ADAMTSL3: variants seen among roughly 807,000 people sequenced by gnomAD.
ADAMTSL3 encodes ADAMTS-like protein 3.
In ADAMTSL3, 128 loss-of-function variants were observed where a neutral mutation model predicts 201.7. The observed-to-expected ratio is 0.63, with a 90% CI of 0.55 to 0.73. The LOEUF (loss-of-function observed/expected upper bound fraction) is 0.73, where lower values mean the gene tolerates loss of function less well. ADAMTSL3 is among the 30% of genes least tolerant of loss of function. The pLI is 0.00. For synonymous variants in ADAMTSL3, 738 were observed against 748.4 expected, an observed-to-expected ratio of 0.99 and a Z score of 0.23; for missense variants, 1,990 against 2,119.6, an observed-to-expected ratio of 0.94 and a Z score of 1.20.
chr15:84,023,897 T>C (rs750676196), intron 26 of ADAMTSL3, among the ~76,000 whole-genome samples: 3 of 152,212 alleles, frequency 2.0e-5, no homozygotes, highest in Non-Finnish European at 4.4e-5. Flanking sequence ...ATATGTAAAA[T>C]AAAATACATT....
At chr15:83,830,641 C>G (rs976328622) in intron 6 of ADAMTSL3, among the ~76,000 whole-genome samples, 6 of 152,182 alleles carry the variant, frequency 3.9e-5, no homozygotes, top group African/African-American at 1.4e-4. Context: ...GCAGCTGTGA[C>G]AAATTACCAC....
intron 19 of ADAMTSL3, among the ~76,000 whole-genome samples, chr15:83,962,983 GC>G (rs1419269313): frequency 6.6e-6 from 1 of 152,180 alleles, no homozygotes; most frequent in Non-Finnish European, 1.5e-5. Flanking sequence ...GTGCAATCTA[GC>G]CCAGGTACTA....
intron 4 of ADAMTSL3, among the ~76,000 whole-genome samples, chr15:83,782,916 A>G (rs1023399228): frequency 3.4e-5 from 5 of 147,276 alleles, no homozygotes; most frequent in African/African-American, 7.4e-5. Context: ...GATAGCGTAT[A>G]TATATATATA....
intron 6 of ADAMTSL3, among the ~76,000 whole-genome samples, chr15:83,826,807 A>G (rs2064034593): frequency 6.6e-6 from 1 of 151,948 alleles, no homozygotes; most frequent in Non-Finnish European, 1.5e-5. Context: ...GATGGTTTCC[A>G]GCTTCATCCA....
At chr15:83,971,578 G>GAAAAAAAAA (rs1484317891) in intron 20 of ADAMTSL3, among the ~76,000 whole-genome samples, 1 of 102,144 alleles carries the variant, frequency 9.8e-6, no homozygotes, top group African/African-American at 3.1e-5. Flanking sequence ...AAAAAAAAAA[G>GAAAAAAAAA]AAAGAAAGAA....
intron 29 of ADAMTSL3, among the ~76,000 whole-genome samples, chr15:84,037,483 G>T (rs2068532826): frequency 6.6e-6 from 1 of 152,214 alleles, no homozygotes; most frequent in South Asian, 2.1e-4. Context: ...GGGCCAGAGG[G>T]ACTGGGAGGG....
At chr15:83,939,913 C>T (rs2066525580) in intron 17 of ADAMTSL3, among the ~76,000 whole-genome samples, 4 of 152,140 alleles carry the variant, frequency 2.6e-5, no homozygotes, top group Admixed American at 1.3e-4. Flanking sequence ...TGAGCCACCG[C>T]ACCCCGCCAG....
intron 9 of ADAMTSL3, among the ~76,000 whole-genome samples, chr15:83,880,193 A>G (rs1238028364): frequency 6.6e-6 from 1 of 151,978 alleles, no homozygotes; most frequent in Non-Finnish European, 1.5e-5. Flanking sequence ...ACAGATTCTC[A>G]TTTATTATCT....
rs1364147307 is a variant in ADAMTSL3 at position 83,763,409 on chromosome 15, A to G, written c.190-10114A>G. Among the ~76,000 whole-genome samples the G allele has an allele frequency of 2.6e-5, 4 of 151,068 alleles. No homozygotes were observed. In the East Asian group the frequency reaches 7.7e-4, roughly 29 times the overall value. ...TATTTTCCTGAGAAGTCAGAAATCT[A>G]GATTTTTTTTTTTTTTGAGACAGGG... On this transcript the variant is annotated intron_variant, in intron 3 of 29. Coordinates refer to ENST00000286744, the MANE Select transcript of ADAMTSL3 (RefSeq NM_207517.3).
At chr15:84,000,408 A>G (rs765994612) in intron 23 of ADAMTSL3, among the ~76,000 whole-genome samples, 5 of 152,110 alleles carry the variant, frequency 3.3e-5, no homozygotes, top group African/African-American at 4.8e-5. Context: ...TGATACAGAA[A>G]TCTTCCCACT....
At chr15:83,800,787 G>A (rs956878412) in intron 4 of ADAMTSL3, among the ~76,000 whole-genome samples, 5 of 152,152 alleles carry the variant, frequency 3.3e-5, no homozygotes, top group Admixed American at 3.3e-4. Flanking sequence ...GGTACAAAAA[G>A]CTTTTTGGTT....
chr15:83,967,824 C>T (rs1351167223), intron 19 of ADAMTSL3, among the ~76,000 whole-genome samples: 1 of 152,060 alleles, frequency 6.6e-6, no homozygotes, highest in Non-Finnish European at 1.5e-5. Flanking sequence ...GGTACTGGTA[C>T]CAAAACAGAT....
intron 23 of ADAMTSL3, among the ~76,000 whole-genome samples, chr15:84,011,309 C>G (rs1257134039): frequency 6.6e-6 from 1 of 152,116 alleles, no homozygotes; most frequent in Non-Finnish European, 1.5e-5. Flanking sequence ...CCAAAAAAAG[C>G]ATCATGCTTA....
chr15:84,017,401 G>A (rs1171909047), intron 25 of ADAMTSL3, among the ~76,000 whole-genome samples: 3 of 152,200 alleles, frequency 2.0e-5, no homozygotes, highest in Non-Finnish European at 4.4e-5. Context: ...ACAGGCGTGA[G>A]CCACTGTGCC....
In ADAMTSL3 at chr15:83,790,637, C is replaced by T. The variant is rs8030901; in HGVS notation, c.318-14013C>T. On this transcript the variant is annotated intron_variant, in intron 4 of 29. Transcript: ENST00000286744. ...TTATAATTGATGGTGAAAGACTGAA[C>T]ACTTTCCCCCTAAGGTATAGAATAA... Among the ~76,000 whole-genome samples, 787 of 152,178 alleles carry T rather than the reference C, an allele frequency of 5.2e-3. 5 individuals carry two copies. Among genetic ancestry groups the T allele is most frequent in the African/African-American group, 0.018 (750 of 41,532 alleles).
intron 20 of ADAMTSL3, among the ~76,000 whole-genome samples, chr15:83,977,402 G>A (rs2141791458): frequency 6.6e-6 from 1 of 152,280 alleles, no homozygotes; most frequent in East Asian, 1.9e-4. Context: ...GGATAATTAG[G>A]TCTGAAGTTC....
chr15:83,918,988 AGCAGGAGTGTGATG>A (rs2066087682), intron 16 of ADAMTSL3, among the ~76,000 whole-genome samples: 1 of 152,098 alleles, frequency 6.6e-6, no homozygotes, highest in Non-Finnish European at 1.5e-5. Flanking sequence ...GGAGTGGGTA[AGCAGGAGTGTGATG>A]GCAAGTCTGA....
At chr15:83,866,268 C>T (rs542628831) in intron 8 of ADAMTSL3, among the ~76,000 whole-genome samples, 1 of 152,256 alleles carries the variant, frequency 6.6e-6, no homozygotes, top group Admixed American at 6.5e-5. Context: ...GGTATATACC[C>T]AAAGGATTAT....
intron 5 of ADAMTSL3, among the ~76,000 whole-genome samples, chr15:83,805,026 G>T (rs1443605936): frequency 6.6e-6 from 1 of 152,074 alleles, no homozygotes; most frequent in Non-Finnish European, 1.5e-5. Flanking sequence ...GGGCAGGTGA[G>T]GTGCAGCTAT....
Sources: allele counts gnomAD v4.1 joint callset (sites outside exome capture counted in the v4.1 genomes callset), GRCh38; gene constraint gnomAD v4.1.1; transcripts MANE v1.5; gene names NCBI Gene and HGNC (gene_info 2026-07-23, HGNC 2026-07-21).